Variants in DISC1 observed in about 807,000 individuals in gnomAD.
The protein encoded by DISC1 is DISC1 scaffold protein, also known as disrupted in schizophrenia 1 protein.
In DISC1, 57 loss-of-function variants were observed where a neutral mutation model predicts 84.5. The ratio of observed to expected loss-of-function variants is 0.67; its 90% confidence interval spans 0.55 to 0.84. DISC1 has a LOEUF of 0.84. Ranked by LOEUF, DISC1 falls within the 40% of genes least tolerant of loss-of-function variation. The pLI, the probability that DISC1 is intolerant of heterozygous loss-of-function variation, is 0.00. For missense variants in DISC1, 1,000 were observed against 1,057.8 expected (o/e 0.95, Z 0.76); for synonymous variants, 411 against 415.2 (o/e 0.99, Z 0.12).
chr1:231,780,248 A>C (rs923706371), intron 6 of DISC1, among the ~76,000 whole-genome samples: 1 of 151,188 alleles, frequency 6.6e-6, no homozygotes, highest in Non-Finnish European at 1.5e-5. Flanking sequence ...AAAAAAAAAA[A>C]AAAGAAAAGG....
intron 3 of DISC1, among the ~76,000 whole-genome samples, chr1:231,747,601 A>G (rs2074140805): frequency 6.6e-6 from 1 of 152,162 alleles, no homozygotes; most frequent in African/African-American, 2.4e-5. Flanking sequence ...TGGATTCTCA[A>G]TACTGTTCCA....
chr1:231,779,474 T>A (rs1224317886), intron 6 of DISC1, among the ~76,000 whole-genome samples: 1 of 151,936 alleles, frequency 6.6e-6, no homozygotes, highest in African/African-American at 2.4e-5. Flanking sequence ...TATGCATGCA[T>A]TAGGACCACC....
intron 9 of DISC1, among the ~76,000 whole-genome samples, chr1:231,830,128 G>A (rs944106894): frequency 2.6e-5 from 4 of 152,118 alleles, no homozygotes; most frequent in Non-Finnish European, 5.9e-5. Flanking sequence ...ATGAAATGGT[G>A]GTAAAGTGTT....
At chr1:231,720,802 T>A in intron 3 of DISC1, 1 of 1,252,480 alleles carries the variant, frequency 8.0e-7, no homozygotes, top group Non-Finnish European at 1.0e-6. Context: ...AGGGCAGAAG[T>A]GGTTCTGAGC....
intron 3 of DISC1, among the ~76,000 whole-genome samples, chr1:231,719,291 C>T (rs1377126204): frequency 6.6e-6 from 1 of 152,132 alleles, no homozygotes; most frequent in East Asian, 1.9e-4. Flanking sequence ...ACTCTTTATC[C>T]CCAGAACTTA....
At chr1:232,004,021 T>G (rs1275027126) in intron 10 of DISC1, among the ~76,000 whole-genome samples, 2 of 151,476 alleles carry the variant, frequency 1.3e-5, no homozygotes, top group African/African-American at 4.8e-5. Flanking sequence ...TTAAAATATT[T>G]AATAATTAAA....
In DISC1 at chr1:231,674,733, C is replaced by T. The variant is rs141712373; in HGVS notation, c.68-19093C>T. On this transcript the variant is annotated intron_variant, in intron 1 of 12. Coordinates refer to ENST00000439617, the MANE Select transcript of DISC1 (RefSeq NM_018662.3). ...AAGAAAAGCAGCTTTGTATGGCCTT[C>T]GTGGCCATGTGTATGTAGTTCTGCC... Among the ~76,000 whole-genome samples the T allele has an allele frequency of 5.9e-5, 9 of 152,314 alleles. No individual in the cohort carries two copies. The East Asian group carries it at 1.5e-3, about 26-fold the overall frequency.
At chr1:231,812,400 T>C (rs1298976076) in intron 8 of DISC1, among the ~76,000 whole-genome samples, 1 of 151,900 alleles carries the variant, frequency 6.6e-6, no homozygotes, top group Non-Finnish European at 1.5e-5. Context: ...TGGAACAGAG[T>C]GGGTAAAGTC....
At chr1:231,990,620 C>T (rs994164022) in intron 10 of DISC1, among the ~76,000 whole-genome samples, 4 of 152,152 alleles carry the variant, frequency 2.6e-5, no homozygotes, top group Non-Finnish European at 5.9e-5. Flanking sequence ...CTTTCCGTCT[C>T]GCACTTGTGG....
chr1:231,766,271 C>T (rs975348037), intron 4 of DISC1, among the ~76,000 whole-genome samples: 4 of 132,058 alleles, frequency 3.0e-5, no homozygotes, highest in Non-Finnish European at 4.7e-5. Context: ...GCCTGGGTGT[C>T]GCAGTAAGAC....
At chr1:231,825,434 A>G (rs1043563594) in intron 9 of DISC1, among the ~76,000 whole-genome samples, 3 of 152,198 alleles carry the variant, frequency 2.0e-5, no homozygotes, top group Non-Finnish European at 4.4e-5. Flanking sequence ...GTCTCTTTGT[A>G]CATTTCATAT....
chr1:231,778,825 T>A (rs2077156500), intron 6 of DISC1, among the ~76,000 whole-genome samples: 1 of 152,108 alleles, frequency 6.6e-6, no homozygotes, highest in African/African-American at 2.4e-5. Context: ...AAATAAAATC[T>A]TAAGCCCCCA....
intron 9 of DISC1, among the ~76,000 whole-genome samples, chr1:231,948,447 G>A (rs573151048): frequency 1.3e-5 from 2 of 152,246 alleles, no homozygotes; most frequent in South Asian, 4.1e-4. Flanking sequence ...ACACACCGGG[G>A]CCTGTCGGGT....
At chr1:231,639,618 G>A (rs1465626912) in intron 1 of DISC1, among the ~76,000 whole-genome samples, 1 of 152,220 alleles carries the variant, frequency 6.6e-6, no homozygotes, top group African/African-American at 2.4e-5. Flanking sequence ...GGATGGGGAA[G>A]GAGGTTCAGG....
At position 231,795,706 on chromosome 1, in the gene DISC1, T is replaced by C. The variant is rs143349208; in HGVS notation, c.1689+410T>C. On this transcript the variant is annotated intron_variant, in intron 7 of 12. Transcript: ENST00000439617. Reference sequence around the variant, plus strand: ...AAGTTTGAGACCAGCCTGACCAACATTGTGAAACCCCGTCTCTCCTGAAAA... The same window carrying C: ...AAGTTTGAGACCAGCCTGACCAACACTGTGAAACCCCGTCTCTCCTGAAAA... Among the ~76,000 whole-genome samples the C allele has an allele frequency of 1.8e-4, 28 of 152,292 alleles. No individual in the cohort carries two copies. In the East Asian group the frequency reaches 5.2e-3, roughly 28 times the overall value.
chr1:232,032,197 C>T (rs1264001732), intron 12 of DISC1, among the ~76,000 whole-genome samples: 1 of 152,130 alleles, frequency 6.6e-6, no homozygotes, highest in Non-Finnish European at 1.5e-5. Flanking sequence ...TTGGGATGCT[C>T]AACTTGTTCT....
chr1:231,724,022 T>C (rs1001455453), intron 3 of DISC1: 7 of 985,258 alleles, frequency 7.1e-6, no homozygotes, highest in Non-Finnish European at 8.4e-6. Context: ...CACTCTGATA[T>C]TGTATTTGTT....
intron 9 of DISC1, among the ~76,000 whole-genome samples, chr1:231,932,052 A>G (rs1435312259): frequency 6.6e-6 from 1 of 152,144 alleles, no homozygotes; most frequent in African/African-American, 2.4e-5. Context: ...AGTGTCCCAA[A>G]TTGCAAGCAC....
At chr1:231,729,454 G>C (rs149790183) in intron 3 of DISC1, among the ~76,000 whole-genome samples, 257 of 152,360 alleles carry the variant, frequency 1.7e-3, no homozygotes, top group African/African-American at 6.0e-3. Context: ...CAGGTTCACA[G>C]TGTGCTAGAA....
Sources: gnomAD v4.1 joint callset for allele counts (sites outside exome capture counted in the v4.1 genomes callset) on GRCh38, gnomAD v4.1.1 for gene constraint, MANE v1.5 for transcripts, NCBI Gene and HGNC (gene_info 2026-07-23, HGNC 2026-07-21) for gene names.